Variants in OR11A1 observed in about 807,000 individuals in gnomAD.
The protein encoded by OR11A1 is olfactory receptor family 11 subfamily A member 1.
For synonymous variants in OR11A1, 158 were observed against 152.2 expected, an observed-to-expected ratio of 1.04 and a Z score of -0.28; for missense variants, 380 against 378.2, an observed-to-expected ratio of 1.00 and a Z score of -0.04.
At chr6:29,439,718 C>A in intron 1 of OR11A1, 1 of 430,488 alleles carries the variant, frequency 2.3e-6, no homozygotes. Flanking sequence ...CCAGGTAAAA[C>A]TGGAAAGACA....
chr6:29,430,677 G>T (rs1262590075), intron 2 of OR11A1, among the ~76,000 whole-genome samples: 2 of 152,188 alleles, frequency 1.3e-5, no homozygotes, highest in Non-Finnish European at 2.9e-5. Flanking sequence ...GAGGTGGGAA[G>T]GGGTGAGGGA....
chr6:29,437,789 C>T (rs1783753273), intron 1 of OR11A1, among the ~76,000 whole-genome samples: 1 of 152,210 alleles, frequency 6.6e-6, no homozygotes, highest in Non-Finnish European at 1.5e-5. Flanking sequence ...CTACTCCATT[C>T]TGTTCCCTGT....
Position 29,426,608 on chromosome 6 carries a change from G to T in OR11A1, c.*86C>A. The T allele has an allele frequency of 1.0e-6, 1 of 996,798 alleles. No individual in the cohort carries two copies. Among genetic ancestry groups the T allele is most frequent in the East Asian group, 2.4e-5 (1 of 41,076 alleles). 61.7% of individuals were successfully genotyped at this position (996,798 alleles called of 1,614,324 possible). On this transcript the variant is annotated 3_prime_UTR_variant, in exon 5 of 5. Transcript: ENST00000377149. Reference sequence around the variant, plus strand: ...GAGTTCAAAGAGAATGGTCGAATAAGACAAAGTTACTCCTCTCCAACCCAT... The same window carrying T: ...GAGTTCAAAGAGAATGGTCGAATAATACAAAGTTACTCCTCTCCAACCCAT...
At position 29,427,085 on chromosome 6, in the gene OR11A1, A is replaced by G. The variant is rs1452025212; in HGVS notation, c.557T>C (p.Val186Ala). 6.2e-7 allele frequency: 1 copy of G among 1,612,650 alleles called. No homozygotes were observed. The highest frequency in any genetic ancestry group is 1.7e-5 in the Admixed American group (1 of 60,020). The change falls in exon 5 of 5, where the codon GTG becomes GCG. Residue 186 changes from valine (V) to alanine (A), a missense_variant. Physicochemically the swap from Val to Ala is moderately conservative, Grantham distance 64. Coordinates refer to ENST00000377149, the MANE Select transcript of OR11A1 (RefSeq NM_001394828.1). ...TCTGGGATCCGAGCAAGCCAGGCCC[A>G]CGAAAAGCATAAAGTCACAGTAAAA... ...DQFYCDFMLF[V>A]GLACSDPRVA... is the part of the protein sequence containing the mutation.
At chr6:29,441,830 A>T (rs572728937) in intron 1 of OR11A1, among the ~76,000 whole-genome samples, 59 of 152,218 alleles carry the variant, frequency 3.9e-4, no homozygotes, top group African/African-American at 1.4e-3. Context: ...GTGAGAATAT[A>T]TGGTATTTGG....
intron 2 of OR11A1, 43 bp downstream of exon 2, chr6:29,431,821 T>A: frequency 1.0e-6 from 1 of 980,784 alleles, no homozygotes; most frequent in Non-Finnish European, 1.2e-6. Flanking sequence ...TTTTAAAGAA[T>A]CTGTGAACTA....
intron 1 of OR11A1, among the ~76,000 whole-genome samples, chr6:29,449,705 C>T (rs1785143466): frequency 6.6e-6 from 1 of 152,036 alleles, no homozygotes. Context: ...GGCATGATCT[C>T]GGCTCAATGC....
At chr6:29,445,480 C>T (rs1226056031) in intron 1 of OR11A1, among the ~76,000 whole-genome samples, 2 of 152,206 alleles carry the variant, frequency 1.3e-5, no homozygotes, top group African/African-American at 4.8e-5. Context: ...GAGGAAGACT[C>T]ACCGGCTCAC....
chr6:29,440,081 C>G, intron 1 of OR11A1: 1 of 1,613,272 alleles, frequency 6.2e-7, no homozygotes, highest in Non-Finnish European at 8.5e-7. Flanking sequence ...TGGCCGACCT[C>G]CAGGGCTTGC....
In OR11A1 at chr6:29,427,463, G is replaced by A. The variant is rs1470791120; in HGVS notation, c.179C>T (p.Pro60Leu). 6.2e-7 allele frequency: 1 copy of A among 1,612,914 alleles called. No individual in the cohort carries two copies. Among genetic ancestry groups the A allele is most frequent in the Non-Finnish European group, 8.5e-7 (1 of 1,180,036 alleles). ...AVVSSQRLHKPMYIFLANLSF... is the reference protein window; with the variant it reads ...AVVSSQRLHKLMYIFLANLSF... ...CAGATTCGCCAAGAAAATATACATG[G>A]GTTTGTGGAGCCTCTGGGAGCTAAC... Residue 60 changes from proline to leucine, a missense_variant, in exon 5 of 5, where the codon CCC (proline) becomes CTC (leucine). Coordinates refer to ENST00000377149, the MANE Select transcript of OR11A1 (RefSeq NM_001394828.1).
chr6:29,428,325 G>A, intron 4 of OR11A1: 19 of 985,392 alleles, frequency 1.9e-5, no homozygotes, highest in Non-Finnish European at 2.3e-5. Context: ...ATGGTAATAG[G>A]GAAGGAAGTA....
At chr6:29,443,426 G>A (rs1459120540) in intron 1 of OR11A1, among the ~76,000 whole-genome samples, 4 of 152,276 alleles carry the variant, frequency 2.6e-5, no homozygotes, top group Non-Finnish European at 4.4e-5. Flanking sequence ...CCATGTTGTG[G>A]TGTGTACAGC....
intron 1 of OR11A1, chr6:29,440,145 A>G: frequency 1.2e-6 from 2 of 1,613,286 alleles, no homozygotes; most frequent in Non-Finnish European, 1.7e-6. Flanking sequence ...CAATTTCCTC[A>G]TTGTGGTGCT....
chr6:29,453,904 C>T lies in OR11A1; in HGVS notation c.-389+3083G>A, dbSNP rs1038937629. Among the ~76,000 whole-genome samples, 1 of 152,140 alleles carries T rather than the reference C, an allele frequency of 6.6e-6. No homozygotes were observed. The highest frequency in any genetic ancestry group is 2.4e-5 in the African/African-American group (1 of 41,442). ...ATCAAAAGTATTTGACCAAAACCTT[C>T]ACCCAATCATTGACTGAACACTAAG... On this transcript the variant is annotated intron_variant, in intron 1 of 4. Coordinates refer to ENST00000377149, the MANE Select transcript of OR11A1 (RefSeq NM_001394828.1). The surrounding 1 kb of genome is among the most constrained non-coding windows in gnomAD (Gnocchi z 4.5).
chr6:29,436,616 A>G (rs11757272), intron 1 of OR11A1, among the ~76,000 whole-genome samples: 5,942 of 152,314 alleles, frequency 0.039, 276 homozygotes, highest in African/African-American at 0.11. Flanking sequence ...GAATTATTTA[A>G]TATTTGCTCC....
intron 1 of OR11A1, among the ~76,000 whole-genome samples, chr6:29,455,885 A>AAAG (rs1216249119): frequency 6.7e-6 from 1 of 149,044 alleles, no homozygotes; most frequent in African/African-American, 2.4e-5. Context: ...AAAAAAAAAA[A>AAAG]AAAAAAAAAG....
intron 1 of OR11A1, chr6:29,439,939 T>C (rs1399208278): frequency 3.7e-6 from 4 of 1,091,068 alleles, no homozygotes; most frequent in Non-Finnish European, 5.5e-6. Flanking sequence ...AGGTCATCTT[T>C]GCCCATTTCA....
intron 1 of OR11A1, among the ~76,000 whole-genome samples, chr6:29,451,540 C>T (rs866419982): frequency 4.6e-5 from 7 of 152,070 alleles, no homozygotes; most frequent in Non-Finnish European, 1.0e-4. Context: ...TGAACAGACA[C>T]GTCTCAAAAG....
At chr6:29,454,042 T>C (rs1334504595) in intron 1 of OR11A1, among the ~76,000 whole-genome samples, 1 of 152,058 alleles carries the variant, frequency 6.6e-6, no homozygotes, top group African/African-American at 2.4e-5. Context: ...AGTCCACAGA[T>C]TATGTCCAAT....
Sources: gnomAD v4.1 joint callset for allele counts (sites outside exome capture counted in the v4.1 genomes callset) on GRCh38, gnomAD v4.1.1 for gene constraint, Gnocchi (gnomAD v3.1) non-coding constraint, MANE v1.5 for transcripts, NCBI Gene and HGNC (gene_info 2026-07-23, HGNC 2026-07-21) for gene names.